The following COX10 variants were observed in gnomAD, a reference collection of about 807,000 sequenced individuals.
COX10 encodes the protein cytochrome c oxidase assembly factor heme A:farnesyltransferase COX10, also known as protoheme IX farnesyltransferase, mitochondrial.
A neutral mutation model predicts 37.3 loss-of-function variants in COX10; 27 were observed. That is an observed-to-expected ratio of 0.72 (90% confidence interval 0.53 to 1.00). COX10 has a LOEUF of 1.00. COX10 is among the 50% of genes least tolerant of loss of function. The pLI is 0.00. For missense variants in COX10, 475 were observed against 563.2 expected, an observed-to-expected ratio of 0.84 and a Z score of 1.59; for synonymous variants, 222 against 229.1, an observed-to-expected ratio of 0.97 and a Z score of 0.28.
intron 4 of COX10, among the ~76,000 whole-genome samples, chr17:14,155,065 A>G (rs1905003591): frequency 1.3e-5 from 2 of 152,210 alleles, no homozygotes; most frequent in Non-Finnish European, 2.9e-5. Flanking sequence ...TGATGTTTCT[A>G]TAGTAGTGGC....
In COX10 at chr17:14,074,367, C is replaced by G. The variant is rs750158907; in HGVS notation, c.88C>G (p.Gln30Glu). The G allele has an allele frequency of 6.2e-7, 1 of 1,613,908 alleles. No homozygotes were observed. Among genetic ancestry groups the G allele is most frequent in the South Asian group, 1.1e-5 (1 of 91,076 alleles). ...CTGGTATCTTGAAAGAAGAACTATA[C>G]AGGACTCCCCTCACAAGTTCTTACA... is the stretch of plus-strand genomic sequence containing the variant. ...SVWYLERRTI[Q>E]DSPHKFLHLL... Residue 30 changes from glutamine (Q) to glutamate (E), a missense_variant, in exon 2 of 7, where the codon CAG (glutamine) becomes GAG (glutamate). Around this residue, in one of 5 missense-constraint regions of COX10, gnomAD observed 242 missense variants for 242.5 expected, o/e 1.00. Coordinates refer to ENST00000261643, the MANE Select transcript of COX10 (RefSeq NM_001303.4).
At chr17:14,121,843 G>T (rs1489730453) in intron 4 of COX10, among the ~76,000 whole-genome samples, 1 of 152,102 alleles carries the variant, frequency 6.6e-6, no homozygotes, top group Admixed American at 6.6e-5. Flanking sequence ...AGTACACAGG[G>T]TGTGCATGAT....
intron 5 of COX10, among the ~76,000 whole-genome samples, chr17:14,162,298 A>C (rs1597529268): frequency 6.6e-6 from 1 of 152,338 alleles, no homozygotes; most frequent in East Asian, 1.9e-4. Flanking sequence ...GGCAAAAAAT[A>C]CAAGAAATCT....
intron 5 of COX10, among the ~76,000 whole-genome samples, chr17:14,184,495 C>T (rs997577344): frequency 6.6e-6 from 1 of 152,194 alleles, no homozygotes; most frequent in African/African-American, 2.4e-5. Flanking sequence ...TCAACATACT[C>T]ATCTCCCAGA....
chr17:14,193,448 C>T (rs574781330), intron 6 of COX10, among the ~76,000 whole-genome samples: 1 of 151,046 alleles, frequency 6.6e-6, no homozygotes, highest in African/African-American at 2.4e-5. Flanking sequence ...CTCCTTCATA[C>T]AGTGGAGGGA....
intron 4 of COX10, among the ~76,000 whole-genome samples, chr17:14,138,424 T>C (rs751156182): frequency 7.9e-5 from 12 of 152,206 alleles, no homozygotes; most frequent in Non-Finnish European, 1.6e-4. Context: ...GTTGTCCTTG[T>C]TGAAAAGAAC....
chr17:14,155,424 A>G (rs1483503469), intron 4 of COX10, among the ~76,000 whole-genome samples: 1 of 151,692 alleles, frequency 6.6e-6, no homozygotes, highest in East Asian at 1.9e-4. Context: ...ATTGAAAGAT[A>G]GGAGAGTGAG....
chr17:14,077,682 C>T (rs1326750295), intron 3 of COX10, among the ~76,000 whole-genome samples: 1 of 152,194 alleles, frequency 6.6e-6, no homozygotes, highest in African/African-American at 2.4e-5. Flanking sequence ...TATAGCCAAG[C>T]TTTGACTTAG....
chr17:14,115,694 C>A (rs905064012), intron 4 of COX10, among the ~76,000 whole-genome samples: 1 of 152,062 alleles, frequency 6.6e-6, no homozygotes, highest in Non-Finnish European at 1.5e-5. Context: ...ACTATTCAGC[C>A]ATTAAAAAGA....
chr17:14,187,025 A>G (rs1906053044), intron 5 of COX10, among the ~76,000 whole-genome samples: 1 of 151,240 alleles, frequency 6.6e-6, no homozygotes, highest in Non-Finnish European at 1.5e-5. Context: ...TTTTTAATCT[A>G]TCCTATTGGC....
intron 3 of COX10, among the ~76,000 whole-genome samples, chr17:14,085,609 C>T (rs1052994844): frequency 4.6e-5 from 7 of 151,926 alleles, no homozygotes; most frequent in African/African-American, 1.5e-4. Context: ...CATGCCATTG[C>T]GTAGTTATAC....
intron 4 of COX10, among the ~76,000 whole-genome samples, chr17:14,103,536 A>G (rs1915831611): frequency 6.6e-6 from 1 of 152,144 alleles, no homozygotes; most frequent in Admixed American, 6.6e-5. Context: ...AATGTTTAAA[A>G]TAAAATATGG....
At chr17:14,104,829 G>A (rs1266071116) in intron 4 of COX10, among the ~76,000 whole-genome samples, 1 of 152,146 alleles carries the variant, frequency 6.6e-6, no homozygotes, top group Non-Finnish European at 1.5e-5. Flanking sequence ...AGTGCATAAA[G>A]AGATTTGTGT....
chr17:14,154,642 A>T (rs1296889469), intron 4 of COX10, among the ~76,000 whole-genome samples: 1 of 152,202 alleles, frequency 6.6e-6, no homozygotes, highest in Admixed American at 6.5e-5. Context: ...AGATTCAAGG[A>T]ACATCAGTCT....
At chr17:14,149,635 G>A (rs1904831351) in intron 4 of COX10, among the ~76,000 whole-genome samples, 1 of 152,158 alleles carries the variant, frequency 6.6e-6, no homozygotes, top group African/African-American at 2.4e-5. Flanking sequence ...GGCTAGGAGT[G>A]TGGAAGGCAG....
At chr17:14,143,484 T>G (rs999859620) in intron 4 of COX10, among the ~76,000 whole-genome samples, 1 of 152,132 alleles carries the variant, frequency 6.6e-6, no homozygotes, top group Non-Finnish European at 1.5e-5. Flanking sequence ...TGAAATGCAC[T>G]ATAATTGCTT....
intron 3 of COX10, among the ~76,000 whole-genome samples, chr17:14,101,258 C>T (rs12949399): frequency 0.037 from 5,600 of 152,258 alleles, 138 homozygotes; most frequent in South Asian, 0.054. Context: ...TTCCCTTGTG[C>T]CTGTTCTTGG....
At chr17:14,162,443 C>G (rs1905188762) in intron 5 of COX10, among the ~76,000 whole-genome samples, 2 of 152,166 alleles carry the variant, frequency 1.3e-5, no homozygotes. Context: ...ACCAAAGACA[C>G]TTGCTGATAT....
At chr17:14,129,918 C>T (rs562570288) in intron 4 of COX10, among the ~76,000 whole-genome samples, 5 of 152,264 alleles carry the variant, frequency 3.3e-5, no homozygotes, top group East Asian at 1.9e-4. Flanking sequence ...GGAAACTCTA[C>T]GGTCACAATA....
Sources: gnomAD v4.1 joint callset for allele counts (sites outside exome capture counted in the v4.1 genomes callset) on GRCh38, gnomAD v4.1.1 for gene constraint, gnomAD v4.1.1 regional missense constraint, MANE v1.5 for transcripts, NCBI Gene and HGNC (gene_info 2026-07-23, HGNC 2026-07-21) for gene names.